Variants in PRKAR1B observed in about 807,000 individuals in gnomAD.
PRKAR1B encodes the protein cAMP-dependent protein kinase type I-beta regulatory subunit.
Under a neutral mutation model 46.5 loss-of-function variants are expected in PRKAR1B, and 22 were observed. That is an observed-to-expected ratio of 0.47 (90% CI 0.34 to 0.68). PRKAR1B has a LOEUF of 0.68. PRKAR1B is among the 30% of genes least tolerant of loss of function. The pLI is 0.01. For missense variants in PRKAR1B, 445 were observed against 535.6 expected (o/e 0.83, Z 1.67); for synonymous variants, 259 against 217.7 (o/e 1.19, Z -1.67).
intron 9 of PRKAR1B, 76 bp from the exon 10 acceptor site, chr7:551,546 CA>C: frequency 7.1e-7 from 1 of 1,417,006 alleles, no homozygotes; most frequent in Non-Finnish European, 9.7e-7. Flanking sequence ...GGTCACCCCA[CA>C]GGGGGTCACC....
chr7:721,188 T>C (rs1781059456), intron 1 of PRKAR1B, among the ~76,000 whole-genome samples: 1 of 152,234 alleles, frequency 6.6e-6, no homozygotes, highest in South Asian at 2.1e-4. Context: ...TGTAGATATT[T>C]CCTCCACATA....
chr7:624,555 T>C (rs903691004), intron 4 of PRKAR1B, among the ~76,000 whole-genome samples: 12 of 152,350 alleles, frequency 7.9e-5, no homozygotes, highest in African/African-American at 2.4e-4. Flanking sequence ...ACAGAGCTGC[T>C]TGTAGCCATG....
intron 4 of PRKAR1B, among the ~76,000 whole-genome samples, chr7:663,636 CGT>C (rs1785740013): frequency 6.6e-6 from 1 of 152,112 alleles, no homozygotes; most frequent in Non-Finnish European, 1.5e-5. Flanking sequence ...CTACACAGAC[CGT>C]GGTCAAACCA....
intron 10 of PRKAR1B, 27 bp downstream of exon 10, chr7:551,362 G>T: frequency 6.5e-7 from 1 of 1,547,686 alleles, no homozygotes; most frequent in Non-Finnish European, 8.7e-7. Context: ...ACAGCCGTGC[G>T]AGGGAGGGGA....
At chr7:575,026 C>G (rs1204397599) in intron 9 of PRKAR1B, among the ~76,000 whole-genome samples, 1 of 152,252 alleles carries the variant, frequency 6.6e-6, no homozygotes, top group Non-Finnish European at 1.5e-5. Flanking sequence ...GTACTAATTT[C>G]AGTAGCGAGA....
At chr7:633,148 A>G (rs1012854991) in intron 4 of PRKAR1B, among the ~76,000 whole-genome samples, 21 of 152,236 alleles carry the variant, frequency 1.4e-4, no homozygotes, top group African/African-American at 5.1e-4. Flanking sequence ...CCTCCCCCAG[A>G]TATCGCTATA....
chr7:669,831 C>T (rs1438181491), intron 4 of PRKAR1B, among the ~76,000 whole-genome samples: 4 of 150,236 alleles, frequency 2.7e-5, no homozygotes, highest in Admixed American at 6.7e-5. Flanking sequence ...AAAACAAGAG[C>T]GAGAGAGAAG....
intron 1 of PRKAR1B, among the ~76,000 whole-genome samples, chr7:721,881 G>A (rs1781085182): frequency 6.6e-6 from 1 of 152,096 alleles, no homozygotes; most frequent in Non-Finnish European, 1.5e-5. Flanking sequence ...TTTTGGTTAA[G>A]AAATCTGCCT....
In PRKAR1B at chr7:554,248, G is replaced by A. The variant is rs145932456; in HGVS notation, c.892-2778C>T. Among the ~76,000 whole-genome samples the A allele has an allele frequency of 2.7e-3, 355 of 131,190 alleles. 1 individual carries two copies. Among genetic ancestry groups the A allele is most frequent in the African/African-American group, 0.013 (330 of 25,780 alleles). The allele number at this position is 131,190 out of a possible 152,430, so 86.1% of individuals were successfully genotyped here. A position where few individuals can be genotyped will look rare whatever the true frequency, so the allele number is the denominator to read the frequency against. Reference sequence around the variant, plus strand: ...AAAGCTGTGGCCACTCTGAGAATTCGGTGCGAGAAAATTTGGTTAGCTGGG... The same window carrying A: ...AAAGCTGTGGCCACTCTGAGAATTCAGTGCGAGAAAATTTGGTTAGCTGGG... On this transcript the variant is annotated intron_variant, in intron 9 of 10. Coordinates refer to ENST00000537384, the MANE Select transcript of PRKAR1B (RefSeq NM_001164760.2).
At chr7:662,639 C>A (rs1368459122) in intron 4 of PRKAR1B, among the ~76,000 whole-genome samples, 1 of 150,418 alleles carries the variant, frequency 6.6e-6, no homozygotes, top group East Asian at 2.0e-4. Flanking sequence ...CTCTCCCCGC[C>A]ATGCCACAGG....
chr7:690,233 T>C (rs563528500), intron 2 of PRKAR1B, among the ~76,000 whole-genome samples: 1 of 151,768 alleles, frequency 6.6e-6, no homozygotes, highest in Admixed American at 6.6e-5. Flanking sequence ...GAGGCAGACG[T>C]TGCAGTGAGC....
At chr7:577,222 A>T (rs902272685) in intron 9 of PRKAR1B, among the ~76,000 whole-genome samples, 2 of 152,238 alleles carry the variant, frequency 1.3e-5, no homozygotes, top group African/African-American at 4.8e-5. Context: ...GTTGCCAAAC[A>T]TCCACTGGGA....
At position 558,370 on chromosome 7, in the gene PRKAR1B, G is replaced by A. The variant is rs574628371; in HGVS notation, c.892-6900C>T. ...AAAGGAAGGAGGAGAAGGAGGAGGAGGAGGAGAAGAAGAAATAATAAAATT... is the reference window on the plus strand; with the variant it reads ...AAAGGAAGGAGGAGAAGGAGGAGGAAGAGGAGAAGAAGAAATAATAAAATT... On this transcript the variant is annotated intron_variant, in intron 9 of 10. Transcript: ENST00000537384. 4.4e-4 allele frequency among the ~76,000 whole-genome samples: 66 copies of A among 150,282 alleles called. 1 individual carries two copies. Among genetic ancestry groups the A allele is most frequent in the African/African-American group, 1.5e-3 (61 of 41,002 alleles).
intron 9 of PRKAR1B, among the ~76,000 whole-genome samples, chr7:569,460 C>CCA (rs1779373226): frequency 6.6e-6 from 1 of 152,266 alleles, no homozygotes; most frequent in Non-Finnish European, 1.5e-5. Flanking sequence ...GGCCGAACGT[C>CCA]CAGCTCACTG....
rs144514748 is a variant in PRKAR1B, at chr7:614,134, G to T, written c.441-6682C>A. On this transcript the variant is annotated intron_variant, in intron 4 of 10. Transcript: ENST00000537384. ...CGCCCCGCACGCCCGACCAGGACAG[G>T]CCAACGCAGGGCTGGGCACTTCTTC... Among the ~76,000 whole-genome samples the T allele has an allele frequency of 5.1e-3, 771 of 152,376 alleles. 4 individuals carry two copies. Among genetic ancestry groups the T allele is most frequent in the South Asian group, 0.025 (120 of 4,830 alleles).
At chr7:600,340 A>G (rs992408969) in intron 6 of PRKAR1B, among the ~76,000 whole-genome samples, 3 of 152,110 alleles carry the variant, frequency 2.0e-5, no homozygotes, top group African/African-American at 7.2e-5. Flanking sequence ...CCCCGTCTCT[A>G]TGAAAAACTT....
chr7:599,257 G>A (rs1033541123), intron 6 of PRKAR1B, among the ~76,000 whole-genome samples: 1 of 151,910 alleles, frequency 6.6e-6, no homozygotes, highest in Non-Finnish European at 1.5e-5. Flanking sequence ...CAGCTGGTAC[G>A]CAAAGGGGCT....
At chr7:584,415 T>G in intron 8 of PRKAR1B, 93 bp downstream of exon 8, 1 of 1,106,682 alleles carries the variant, frequency 9.0e-7, no homozygotes, top group Non-Finnish European at 1.4e-6. Flanking sequence ...AACACTCAAC[T>G]GCCAGCCACG....
intron 2 of PRKAR1B, among the ~76,000 whole-genome samples, chr7:684,545 G>A (rs1480369064): frequency 6.6e-6 from 1 of 152,162 alleles, no homozygotes; most frequent in Non-Finnish European, 1.5e-5. Context: ...GCAGCAGCCC[G>A]GGGTATGTGA....
Sources: gnomAD v4.1 joint callset for allele counts (sites outside exome capture counted in the v4.1 genomes callset) on GRCh38, gnomAD v4.1.1 for gene constraint, MANE v1.5 for transcripts, NCBI Gene and HGNC (gene_info 2026-07-23, HGNC 2026-07-21) for gene names.